The following GPR161 variants were observed in gnomAD, a reference collection of about 807,000 sequenced individuals.
The protein encoded by GPR161 is G-protein coupled receptor RE2.
Under a neutral mutation model 39.2 loss-of-function variants are expected in GPR161, and 25 were observed. That is an observed-to-expected ratio of 0.64 (90% confidence interval 0.47 to 0.89). The LOEUF is 0.89. Among genes scored for constraint, GPR161 ranks in the 40% least tolerant of loss-of-function variants. GPR161 has a pLI of 0.00. For missense variants in GPR161, 547 were observed against 677.8 expected, an observed-to-expected ratio of 0.81 and a Z score of 2.14; for synonymous variants, 286 against 276.6, an observed-to-expected ratio of 1.03 and a Z score of -0.34.
At chr1:168,101,563 T>A (rs1190792811) in intron 2 of GPR161, among the ~76,000 whole-genome samples, 1 of 152,158 alleles carries the variant, frequency 6.6e-6, no homozygotes, top group Non-Finnish European at 1.5e-5. Context: ...GGCTCGGGCA[T>A]CTCAGAACTG....
In GPR161 at chr1:168,080,772, TG is replaced by T; in HGVS notation, c.*4758del. 6.6e-6 allele frequency: 1 copy of T among 152,380 alleles called. No homozygotes were observed. The highest frequency in any genetic ancestry group is 1.5e-5 in the Non-Finnish European group (1 of 68,060). The allele number at this position is 152,380 out of a possible 1,614,324, so 9.4% of individuals were successfully genotyped here. ...TGATTTGGAACGTTACACCAGGCCC[TG>T]GGGATTTGATCATCTTTGATAGTCA... On this transcript the variant is annotated 3_prime_UTR_variant, in exon 6 of 6. Coordinates refer to ENST00000682931, the MANE Select transcript of GPR161 (RefSeq NM_001375883.1).
At chr1:168,099,002 C>T (rs990690009) in intron 2 of GPR161, among the ~76,000 whole-genome samples, 9 of 152,222 alleles carry the variant, frequency 5.9e-5, no homozygotes, top group Admixed American at 5.2e-4. Flanking sequence ...GCACCCACAT[C>T]ACAGGTCTGC....
rs1198251591 is a variant in GPR161 at position 168,136,929 on chromosome 1, G to GT, written c.-236dup. The GT allele has an allele frequency of 1.0e-6, 1 of 976,658 alleles. No individual in the cohort carries two copies. The highest frequency in any genetic ancestry group is 6.4e-5 in the Admixed American group (1 of 15,720). 60.5% of individuals were successfully genotyped at this position (976,658 alleles called of 1,614,324 possible). ...GCGGACCCGGGCGGGCGCAGGCCAAGTAACTTTGCGGCGCCCGCGCCCCGC... is the reference window on the plus strand; with the variant it reads ...GCGGACCCGGGCGGGCGCAGGCCAAGTTAACTTTGCGGCGCCCGCGCCCCGC... On this transcript the variant is annotated 5_prime_UTR_variant, in exon 1 of 6. Transcript: ENST00000682931.
intron 1 of GPR161, among the ~76,000 whole-genome samples, chr1:168,112,545 T>C (rs576863628): frequency 3.0e-5 from 4 of 134,488 alleles, no homozygotes; most frequent in Non-Finnish European, 3.3e-5. Context: ...CGTAGATTAA[T>C]CTAAGTAGGA....
chr1:168,127,584 A>G (rs889091466), intron 1 of GPR161, among the ~76,000 whole-genome samples: 3 of 152,316 alleles, frequency 2.0e-5, no homozygotes, highest in Admixed American at 6.5e-5. Context: ...AAGATTGGGA[A>G]GAAAAAGGTT....
rs749516474 is a variant in GPR161 at position 168,090,640 on chromosome 1, C to T, written c.1128G>A (p.Ala376=). The part of the protein sequence containing the change: ...TDLGLSPHLT[A]LMAGGQPLGH... Reference sequence around the variant, plus strand: ...CCAGGGGCTGTCCACCTGCCATGAGCGCAGTGAGGTGTGGGGACAGGCCCA... The same window carrying T: ...CCAGGGGCTGTCCACCTGCCATGAGTGCAGTGAGGTGTGGGGACAGGCCCA... The change falls in exon 4 of 6, where the codon GCG becomes GCA. Residue 376 remains alanine (A), a synonymous_variant. Coordinates refer to ENST00000682931, the MANE Select transcript of GPR161 (RefSeq NM_001375883.1). The T allele has an allele frequency of 2.4e-5, 39 of 1,610,942 alleles. No homozygotes were observed. In the Admixed American group the frequency reaches 4.2e-4, roughly 17 times the overall value.
chr1:168,099,717 A>C (rs1695902198), intron 2 of GPR161, among the ~76,000 whole-genome samples: 2 of 151,964 alleles, frequency 1.3e-5, no homozygotes, highest in African/African-American at 4.8e-5. Context: ...TGGGGCAGTG[A>C]AGCTGGGTGC....
chr1:168,123,816 TCA>T (rs1698392869), intron 1 of GPR161, among the ~76,000 whole-genome samples: 1 of 152,146 alleles, frequency 6.6e-6, no homozygotes, highest in Non-Finnish European at 1.5e-5. Flanking sequence ...TGAAGCTGGG[TCA>T]CAAAAGATCA....
chr1:168,090,769 C>T, intron 3 of GPR161, 101 bp from the exon 4 acceptor site: 1 of 576,090 alleles, frequency 1.7e-6, no homozygotes, highest in South Asian at 2.3e-5. Flanking sequence ...TCTGTTCGCC[C>T]TTGCAAAACT....
chr1:168,092,210 C>T (rs752445386), intron 3 of GPR161, among the ~76,000 whole-genome samples: 15 of 152,328 alleles, frequency 9.8e-5, no homozygotes, highest in African/African-American at 2.6e-4. Flanking sequence ...CCCAAGGTCT[C>T]GGCCTGAGAA....
Position 168,087,686 on chromosome 1 carries a change from A to G in GPR161, c.1223T>C (p.Leu408Pro), listed in dbSNP as rs1429130660. The change falls in exon 5 of 6, where the codon CTT becomes CCT. Residue 408 changes from leucine to proline, a missense_variant. Coordinates refer to ENST00000682931, the MANE Select transcript of GPR161 (RefSeq NM_001375883.1). ...GTTGTCATCAGACGTGTAGTCCTCA[A>G]GCAGCATCATATCTGTCCCTAAAAC... is the stretch of plus-strand genomic sequence containing the variant. The part of the protein sequence containing the change: ...SQDSGTDMML[L>P]EDYTSDDNPP... The G allele has an allele frequency of 1.9e-6, 3 of 1,613,634 alleles. No individual in the cohort carries two copies. The highest frequency in any genetic ancestry group is 2.5e-6 in the Non-Finnish European group (3 of 1,179,730).
At chr1:168,089,741 T>TGCCTCTGCCCATGC (rs1339711015) in intron 4 of GPR161, among the ~76,000 whole-genome samples, 1 of 63,110 alleles carries the variant, frequency 1.6e-5, no homozygotes, top group East Asian at 3.7e-4. Flanking sequence ...TGTGACTCCC[T>TGCCTCTGCCCATGC]GCCTCTGCCC....
In GPR161 at chr1:168,081,768, A is replaced by G. The variant is rs2102074209; in HGVS notation, c.*3763T>C. 1 of 152,482 alleles carries G rather than the reference A, an allele frequency of 6.6e-6. No individual in the cohort carries two copies. Among genetic ancestry groups the G allele is most frequent in the East Asian group, 1.9e-4 (1 of 5,196 alleles). The allele number at this position is 152,482 out of a possible 1,614,324, so 9.4% of individuals were successfully genotyped here. On this transcript the variant is annotated 3_prime_UTR_variant, in exon 6 of 6. Transcript: ENST00000682931. ...GAGATAAAGCATTTGGAAGTACCTAACACAGCACCTAGCACATCATAGGCC... is the reference window on the plus strand; with the variant it reads ...GAGATAAAGCATTTGGAAGTACCTAGCACAGCACCTAGCACATCATAGGCC...
At chr1:168,119,201 T>TATATAC (rs1421018702) in intron 1 of GPR161, among the ~76,000 whole-genome samples, 4 of 111,760 alleles carry the variant, frequency 3.6e-5, no homozygotes, top group African/African-American at 1.6e-4. Context: ...CCATCATATA[T>TATATAC]ATATATATGT....
rs761945617 is a variant in GPR161, at chr1:168,097,188, G to A, written c.419C>T (p.Thr140Ile). The A allele has an allele frequency of 6.2e-7, 1 of 1,613,760 alleles. No individual in the cohort carries two copies. Among genetic ancestry groups the A allele is most frequent in the African/African-American group, 1.3e-5 (1 of 74,908 alleles). Reference protein sequence around the residue: ...LYPMVYPMKITGNRAVMALVY... With the variant: ...LYPMVYPMKIIGNRAVMALVY... ...AAGTGCCATCACAGCCCGGTTCCCT[G>A]TGATCTTCATGGGGTACACCATGGG... is the stretch of plus-strand genomic sequence containing the variant. The change falls in exon 3 of 6, where the codon ACA (threonine) becomes ATA (isoleucine). Residue 140 changes from threonine (T) to isoleucine (I), a missense_variant. Thr to Ile is a moderately conservative substitution (Grantham distance 89, BLOSUM62 -1). Transcript: ENST00000682931.
In GPR161 at chr1:168,112,479, CAAAAAAAAAAAAA is replaced by C. The variant is rs57030886; in HGVS notation, c.-44-7598_-44-7586del. Among the ~76,000 whole-genome samples the C allele has an allele frequency of 2.7e-4, 17 of 63,080 alleles. No individual in the cohort carries two copies. In the East Asian group the frequency reaches 4.3e-3, roughly 16 times the overall value. 41.4% of individuals were successfully genotyped at this position (63,080 alleles called of 152,430 possible). On this transcript the variant is annotated intron_variant, in intron 1 of 5. Transcript: ENST00000682931. ...TGGGCGACGAAGTGAGACTCCGTCT[CAAAAAAAAAAAAA>C]AAAAAAAAAAAAAGGAAAAGAAAAA...
chr1:168,125,452 A>ACG (rs1434859365), intron 1 of GPR161, among the ~76,000 whole-genome samples: 1 of 152,254 alleles, frequency 6.6e-6, no homozygotes, highest in Non-Finnish European at 1.5e-5. Flanking sequence ...AAAGGCCAAT[A>ACG]TATAAGTGCA....
At chr1:168,121,021 T>C (rs1442533075) in intron 1 of GPR161, among the ~76,000 whole-genome samples, 1 of 152,218 alleles carries the variant, frequency 6.6e-6, no homozygotes, top group African/African-American at 2.4e-5. Context: ...AAAACATATC[T>C]AGGCATCTTC....
chr1:168,097,548 T>A lies in GPR161; in HGVS notation c.375-316A>T, dbSNP rs372413495. On this transcript the variant is annotated intron_variant, in intron 2 of 5. Transcript: ENST00000682931. Reference sequence around the variant, plus strand: ...TACAGAGGTCCTGAGGGATTATGCATTGGGCCAGATCAATTCTGCTGCTGC... The same window carrying A: ...TACAGAGGTCCTGAGGGATTATGCAATGGGCCAGATCAATTCTGCTGCTGC... 6.6e-5 allele frequency among the ~76,000 whole-genome samples: 10 copies of A among 152,272 alleles called. No individual in the cohort carries two copies. In the East Asian group the frequency reaches 1.5e-3, roughly 24 times the overall value.
Sources: gnomAD v4.1 joint callset for allele counts (sites outside exome capture counted in the v4.1 genomes callset) on GRCh38, gnomAD v4.1.1 for gene constraint, MANE v1.5 for transcripts, NCBI Gene and HGNC (gene_info 2026-07-23, HGNC 2026-07-21) for gene names.